The following INTS9 variants were observed in gnomAD, a reference collection of about 807,000 sequenced individuals.
INTS9 encodes the protein integrator complex subunit 9.
Under a neutral mutation model 79.7 loss-of-function variants are expected in INTS9, and 55 were observed. That is an observed-to-expected ratio of 0.69 (90% confidence interval 0.56 to 0.86). INTS9 has a LOEUF of 0.86. Ranked by LOEUF, INTS9 falls within the 40% of genes least tolerant of loss-of-function variation. The pLI is 0.00. For missense variants in INTS9, 721 were observed against 831.5 expected (o/e 0.87, Z 1.64); for synonymous variants, 319 against 325.2 (o/e 0.98, Z 0.20).
At position 28,866,472 on chromosome 8, in the gene INTS9, GC is replaced by G. The variant is rs1432172630; in HGVS notation, c.10-6910del. Among the ~76,000 whole-genome samples the G allele has an allele frequency of 2.0e-5, 3 of 152,094 alleles. No individual in the cohort carries two copies. In the East Asian group the frequency reaches 5.8e-4, roughly 29 times the overall value. Reference sequence around the variant, plus strand: ...GACTCTCAACACTCTTAAAGCACTGGCCCAAGCTCCTTGCAGAGACGAGCTT... The same window carrying G: ...GACTCTCAACACTCTTAAAGCACTGGCCAAGCTCCTTGCAGAGACGAGCTT... On this transcript the variant is annotated intron_variant, in intron 1 of 16. Coordinates refer to ENST00000521022, the MANE Select transcript of INTS9 (RefSeq NM_018250.4).
intron 13 of INTS9, among the ~76,000 whole-genome samples, chr8:28,777,258 C>T (rs772665893): frequency 4.6e-5 from 7 of 152,154 alleles, no homozygotes; most frequent in African/African-American, 7.2e-5. Flanking sequence ...GTTCCTCTCC[C>T]GACTCTCAAG....
At chr8:28,866,688 A>G (rs1808764271) in intron 1 of INTS9, among the ~76,000 whole-genome samples, 1 of 152,226 alleles carries the variant, frequency 6.6e-6, no homozygotes, top group Non-Finnish European at 1.5e-5. Flanking sequence ...TACTTTAAAA[A>G]TCTGCTGGCC....
chr8:28,885,603 T>C (rs1810140486), intron 1 of INTS9, among the ~76,000 whole-genome samples: 1 of 152,264 alleles, frequency 6.6e-6, no homozygotes, highest in Admixed American at 6.5e-5. Context: ...ACACACAGGC[T>C]GCATTCTTGA....
At chr8:28,777,639 G>A (rs114404100) in intron 13 of INTS9, among the ~76,000 whole-genome samples, 190 bp downstream of exon 13, 598 of 151,908 alleles carry the variant, frequency 3.9e-3, no homozygotes, top group African/African-American at 0.013. Flanking sequence ...TGGAAACTGC[G>A]GTCAGGGTGT....
At position 28,838,992 on chromosome 8, in the gene INTS9, A is replaced by T. The variant is rs533854920; in HGVS notation, c.262-1216T>A. On this transcript the variant is annotated intron_variant, in intron 4 of 16. Transcript: ENST00000521022. Reference sequence around the variant, plus strand: ...TTAGCAGCATGTTCTGGGAGAAGTGAGACACCATGGTTCAGAGACAACCTG... The same window carrying T: ...TTAGCAGCATGTTCTGGGAGAAGTGTGACACCATGGTTCAGAGACAACCTG... Among the ~76,000 whole-genome samples, 4 of 152,318 alleles carry T rather than the reference A, an allele frequency of 2.6e-5. No homozygotes were observed. In the East Asian group the frequency reaches 5.8e-4, roughly 22 times the overall value.
intron 8 of INTS9, among the ~76,000 whole-genome samples, chr8:28,797,968 T>C (rs1317258944): frequency 2.0e-5 from 3 of 152,240 alleles, no homozygotes; most frequent in Non-Finnish European, 4.4e-5. Flanking sequence ...CATGGATACA[T>C]GAGCTTCATT....
intron 1 of INTS9, among the ~76,000 whole-genome samples, chr8:28,866,941 C>T (rs936056657): frequency 6.6e-6 from 1 of 150,844 alleles, no homozygotes; most frequent in Non-Finnish European, 1.5e-5. Context: ...CACCACTGCA[C>T]TCCAGCCTGG....
intron 6 of INTS9, among the ~76,000 whole-genome samples, chr8:28,818,075 T>A (rs1371201724): frequency 6.8e-6 from 1 of 146,742 alleles, no homozygotes; most frequent in Non-Finnish European, 1.5e-5. Context: ...GTTTTCTAGA[T>A]ATACAATCAT....
At chr8:28,879,121 T>A (rs1809558927) in intron 1 of INTS9, among the ~76,000 whole-genome samples, 1 of 152,154 alleles carries the variant, frequency 6.6e-6, no homozygotes, top group Non-Finnish European at 1.5e-5. Context: ...CAAACAAAGA[T>A]ATCACAAGAG....
At chr8:28,872,604 A>G (rs1455497259) in intron 1 of INTS9, among the ~76,000 whole-genome samples, 1 of 152,082 alleles carries the variant, frequency 6.6e-6, no homozygotes, top group Non-Finnish European at 1.5e-5. Context: ...GGGAGAGGAC[A>G]TGGCTTTCTT....
chr8:28,867,185 G>A (rs1808801350), intron 1 of INTS9, among the ~76,000 whole-genome samples: 1 of 152,176 alleles, frequency 6.6e-6, no homozygotes, highest in Non-Finnish European at 1.5e-5. Context: ...CACTTTGGGA[G>A]GCCAAGGCGG....
Position 28,770,970 on chromosome 8 carries a change from A to G in INTS9, c.1662+12T>C. The G allele has an allele frequency of 6.2e-7, 1 of 1,609,138 alleles. No individual in the cohort carries two copies. Among genetic ancestry groups the G allele is most frequent in the South Asian group, 1.1e-5 (1 of 90,594 alleles). ...GAGAGGGTCCCCTGCACTCCCACCCAGCACCCCCTACCTGAAGCAAGTGCT... is the reference window on the plus strand; with the variant it reads ...GAGAGGGTCCCCTGCACTCCCACCCGGCACCCCCTACCTGAAGCAAGTGCT... On this transcript the variant is annotated intron_variant, in intron 15 of 16. Coordinates refer to ENST00000521022, the MANE Select transcript of INTS9 (RefSeq NM_018250.4).
chr8:28,777,969 G>A lies in INTS9; in HGVS notation c.1271-16C>T. 1 of 1,597,894 alleles carries A rather than the reference G, an allele frequency of 6.3e-7. No homozygotes were observed. Among genetic ancestry groups the A allele is most frequent in the Non-Finnish European group, 8.5e-7 (1 of 1,173,442 alleles). On this transcript the variant is annotated splice_polypyrimidine_tract_variant and intron_variant, in intron 12 of 16. Transcript: ENST00000521022. ...AAGTCTGGTTCTAGGGAAAGTACAA[G>A]AAAGAAATCTTACAATGCAGACTAC...
intron 8 of INTS9, among the ~76,000 whole-genome samples, chr8:28,804,705 G>A (rs1804711197): frequency 6.6e-6 from 1 of 152,192 alleles, no homozygotes; most frequent in Non-Finnish European, 1.5e-5. Flanking sequence ...ACTAAACATG[G>A]TGAGCTAAAA....
intron 2 of INTS9, among the ~76,000 whole-genome samples, chr8:28,854,585 T>G (rs1248564221): frequency 6.6e-6 from 1 of 152,172 alleles, no homozygotes; most frequent in Non-Finnish European, 1.5e-5. Flanking sequence ...CACTGAATCT[T>G]TATTCGCGTG....
In INTS9 at chr8:28,792,991, A is replaced by G. The variant is rs192158368; in HGVS notation, c.1037+816T>C. 3.7e-3 allele frequency among the ~76,000 whole-genome samples: 560 copies of G among 151,906 alleles called. 5 individuals are homozygous for G. Among genetic ancestry groups the G allele is most frequent in the African/African-American group, 0.013 (523 of 41,468 alleles). The stretch of plus-strand genomic sequence containing the variant: ...CTGTATGAGTCTAAACACAGCGGGG[A>G]AAAAAACGACCACAGAAGGGAATGA... On this transcript the variant is annotated intron_variant, in intron 10 of 16. Coordinates refer to ENST00000521022, the MANE Select transcript of INTS9 (RefSeq NM_018250.4).
intron 1 of INTS9, among the ~76,000 whole-genome samples, chr8:28,880,669 G>T (rs1173543023): frequency 6.8e-6 from 1 of 147,230 alleles, no homozygotes; most frequent in East Asian, 2.0e-4. Flanking sequence ...GCCTCTGCCC[G>T]GCCGCCACCC....
At position 28,889,945 on chromosome 8, in the gene INTS9, G is replaced by A; in HGVS notation, c.-63C>T. On this transcript the variant is annotated 5_prime_UTR_variant, in exon 1 of 17. Coordinates refer to ENST00000521022, the MANE Select transcript of INTS9 (RefSeq NM_018250.4). ...CCTCAAACCCAGGAAGCGTCTTCCG[G>A]TGCAATCTCCGCCACCTGCCAGCCG... 7.0e-7 allele frequency: 1 copy of A among 1,423,318 alleles called. No homozygotes were observed. The highest frequency in any genetic ancestry group is 1.2e-5 in the South Asian group (1 of 85,716). The allele number at this position is 1,423,318 out of a possible 1,614,324, so 88.2% of individuals were successfully genotyped here.
chr8:28,871,763 T>C (rs530180798), intron 1 of INTS9, among the ~76,000 whole-genome samples: 13 of 152,240 alleles, frequency 8.5e-5, no homozygotes, highest in African/African-American at 3.1e-4. Flanking sequence ...AAAATACTGA[T>C]AGACTAGATT....
Sources: allele counts gnomAD v4.1 joint callset (sites outside exome capture counted in the v4.1 genomes callset), GRCh38; gene constraint gnomAD v4.1.1; transcripts MANE v1.5; gene names NCBI Gene and HGNC (gene_info 2026-07-23, HGNC 2026-07-21).